The following NCEH1 variants were observed in gnomAD, a reference collection of about 807,000 sequenced individuals.
NCEH1 encodes 2-acetyl MAGE hydrolase.
NCEH1 carries 9 observed loss-of-function variants against 25.4 expected under a neutral mutation model. That is an observed-to-expected ratio of 0.35 (90% CI 0.21 to 0.62). NCEH1 has a LOEUF of 0.62. Among genes scored for constraint, NCEH1 ranks in the 20% least tolerant of loss-of-function variants. The pLI, the probability that NCEH1 is intolerant of heterozygous loss-of-function variation, is 0.72. For synonymous variants in NCEH1, 200 were observed against 199.8 expected, an observed-to-expected ratio of 1.00 and a Z score of -0.01; for missense variants, 412 against 501.1, an observed-to-expected ratio of 0.82 and a Z score of 1.70.
chr3:172,685,780 C>A (rs1362926182), intron 1 of NCEH1, among the ~76,000 whole-genome samples: 1 of 152,220 alleles, frequency 6.6e-6, no homozygotes, highest in Non-Finnish European at 1.5e-5. Flanking sequence ...ATCCTCACCA[C>A]GTGCAACCTT....
chr3:172,666,980 G>A (rs569380050), intron 1 of NCEH1, among the ~76,000 whole-genome samples: 1 of 152,222 alleles, frequency 6.6e-6, no homozygotes, highest in Admixed American at 6.5e-5. Flanking sequence ...ATCCTCTGGC[G>A]AGCCCAAGGT....
chr3:172,688,046 A>T (rs909570750), intron 1 of NCEH1, among the ~76,000 whole-genome samples: 2 of 151,112 alleles, frequency 1.3e-5, no homozygotes, highest in African/African-American at 5.0e-5. Context: ...ATGAAAATGG[A>T]CATGGAGGCC....
At chr3:172,673,475 G>A (rs1293058885) in intron 1 of NCEH1, among the ~76,000 whole-genome samples, 1 of 152,230 alleles carries the variant, frequency 6.6e-6, no homozygotes, top group African/African-American at 2.4e-5. Flanking sequence ...CAAGGGAAAG[G>A]TGGCTAACAT....
At chr3:172,642,657 C>T (rs1235867753) in intron 3 of NCEH1, among the ~76,000 whole-genome samples, 1 of 133,062 alleles carries the variant, frequency 7.5e-6, no homozygotes, top group Non-Finnish European at 1.6e-5. Context: ...GAGTTCCAAA[C>T]ATGCTGATAA....
chr3:172,685,993 T>C (rs145800070), intron 1 of NCEH1, among the ~76,000 whole-genome samples: 1 of 152,322 alleles, frequency 6.6e-6, no homozygotes, highest in African/African-American at 2.4e-5. Context: ...AGTTCTGAGA[T>C]CTGTGATTCA....
intron 1 of NCEH1, among the ~76,000 whole-genome samples, chr3:172,676,180 C>CAG (rs542572647): frequency 6.6e-5 from 10 of 152,072 alleles, no homozygotes; most frequent in Non-Finnish European, 1.5e-4. Context: ...TTTTTTTAGG[C>CAG]AGAGAGAGAG....
At chr3:172,653,744 G>GTTGTTGCT (rs1717534237) in intron 1 of NCEH1, among the ~76,000 whole-genome samples, 3 of 95,676 alleles carry the variant, frequency 3.1e-5, no homozygotes, top group African/African-American at 1.3e-4. Context: ...TGTTTTTTTT[G>GTTGTTGCT]TTTTTTTGTT....
At chr3:172,635,493 TA>T (rs943677526) in intron 4 of NCEH1, among the ~76,000 whole-genome samples, 52 of 152,050 alleles carry the variant, frequency 3.4e-4, no homozygotes, top group South Asian at 8.3e-4. Context: ...TCTTTTACAT[TA>T]AAAAAAAGTT....
intron 1 of NCEH1, among the ~76,000 whole-genome samples, chr3:172,703,891 CCT>C (rs1360871463): frequency 3.9e-5 from 6 of 152,180 alleles, no homozygotes; most frequent in Non-Finnish European, 8.8e-5. Flanking sequence ...AAATAATGCC[CCT>C]GACACTATTC....
chr3:172,654,960 G>A (rs1239999112), intron 1 of NCEH1, among the ~76,000 whole-genome samples: 2 of 152,176 alleles, frequency 1.3e-5, no homozygotes, highest in African/African-American at 2.4e-5. Context: ...AATGTTTAAT[G>A]TTCAATTAAG....
At chr3:172,662,396 C>G (rs1041796076) in intron 1 of NCEH1, among the ~76,000 whole-genome samples, 1 of 152,272 alleles carries the variant, frequency 6.6e-6, no homozygotes, top group Admixed American at 6.5e-5. Context: ...ATTTTTGCAT[C>G]GATGTTCATC....
chr3:172,666,494 C>G (rs937977383), intron 1 of NCEH1, among the ~76,000 whole-genome samples: 4 of 152,308 alleles, frequency 2.6e-5, no homozygotes, highest in Middle Eastern at 3.4e-3. Context: ...CTCCCTCTGT[C>G]TCTGTATGGG....
Position 172,699,771 on chromosome 3 carries a change from G to A in NCEH1, c.138+11076C>T, listed in dbSNP as rs112191048. 7.8e-3 allele frequency among the ~76,000 whole-genome samples: 1,191 copies of A among 152,194 alleles called. 10 individuals are homozygous for A. Among genetic ancestry groups the A allele is most frequent in the South Asian group, 0.043 (209 of 4,814 alleles). Reference sequence around the variant, plus strand: ...TCCCAGCTACTTGGGAGGCTGAGGTGGGAAGATTGCTTGAACCTGGGGAGG... The same window carrying A: ...TCCCAGCTACTTGGGAGGCTGAGGTAGGAAGATTGCTTGAACCTGGGGAGG... On this transcript the variant is annotated intron_variant, in intron 1 of 4. Transcript: ENST00000475381.
intron 1 of NCEH1, among the ~76,000 whole-genome samples, chr3:172,693,274 T>C (rs1294441910): frequency 6.6e-6 from 1 of 152,170 alleles, no homozygotes; most frequent in East Asian, 1.9e-4. Flanking sequence ...AGAAGAGCTA[T>C]AACAAAATAT....
In NCEH1 at chr3:172,633,149, G is replaced by A. The variant is rs1385613807; in HGVS notation, c.*326C>T. On this transcript the variant is annotated 3_prime_UTR_variant, in exon 5 of 5. Coordinates refer to ENST00000475381, the MANE Select transcript of NCEH1 (RefSeq NM_020792.6). ...TGGAAGAACTGCTTCTAAAAAGAAC[G>A]TCCTAATGAAGGCAGGACCCAAAGT... The A allele has an allele frequency of 2.3e-5, 6 of 265,166 alleles. No homozygotes were observed. Among genetic ancestry groups the A allele is most frequent in the East Asian group, 1.9e-4 (2 of 10,760 alleles). 16.4% of individuals were successfully genotyped at this position (265,166 alleles called of 1,614,324 possible). A position where few individuals can be genotyped will look rare whatever the true frequency, so the allele number is the denominator to read the frequency against.
chr3:172,685,329 G>A (rs904441586), intron 1 of NCEH1, among the ~76,000 whole-genome samples: 4 of 152,278 alleles, frequency 2.6e-5, no homozygotes, highest in Admixed American at 2.0e-4. Flanking sequence ...GCTCATAATG[G>A]GCTTCTCTTG....
chr3:172,687,414 C>T (rs1024297522), intron 1 of NCEH1, among the ~76,000 whole-genome samples: 1 of 152,198 alleles, frequency 6.6e-6, no homozygotes, highest in Non-Finnish European at 1.5e-5. Context: ...CAATATCTTT[C>T]ATCTTCTCAA....
intron 1 of NCEH1, among the ~76,000 whole-genome samples, chr3:172,707,932 CTAAG>C (rs1483136244): frequency 1.3e-5 from 2 of 152,212 alleles, no homozygotes; most frequent in South Asian, 2.1e-4. Flanking sequence ...CCCAGAGATT[CTAAG>C]TAAGTTTGGT....
Position 172,633,926 on chromosome 3 carries a change from T to C in NCEH1, c.776A>G (p.Asn259Ser), listed in dbSNP as rs139963625. 242 of 1,614,018 alleles carry C rather than the reference T, an allele frequency of 1.5e-4. No individual in the cohort carries two copies. The highest frequency in any genetic ancestry group is 1.2e-4 in the Non-Finnish European group (142 of 1,179,960). The change falls in exon 5 of 5, where the codon AAC becomes AGC. Residue 259 changes from asparagine to serine, a missense_variant. Transcript: ENST00000475381. The stretch of plus-strand genomic sequence containing the variant: ...GATCATTGCCTGCACAAAGTCATAG[T>C]TGCCTTTGAAGTAGTCCACCCAATA... The part of the protein sequence containing the change: ...VKYWVDYFKG[N>S]YDFVQAMIVN...
Sources: gnomAD v4.1 joint callset for allele counts (sites outside exome capture counted in the v4.1 genomes callset) on GRCh38, gnomAD v4.1.1 for gene constraint, MANE v1.5 for transcripts, NCBI Gene and HGNC (gene_info 2026-07-23, HGNC 2026-07-21) for gene names.